The following MARCHF6 variants were observed in gnomAD, a reference collection of about 807,000 sequenced individuals.
MARCHF6 encodes the protein membrane associated ring-CH-type finger 6, also known as E3 ubiquitin-protein ligase MARCHF6.
A neutral mutation model predicts 133.7 loss-of-function variants in MARCHF6; 31 were observed. The ratio of observed to expected loss-of-function variants is 0.23; its 90% CI spans 0.17 to 0.31. The LOEUF is 0.31. MARCHF6 is among the 10% of genes least tolerant of loss of function. The pLI is 1.00. For synonymous variants in MARCHF6, 395 were observed against 402.5 expected (o/e 0.98, Z 0.22); for missense variants, 723 against 1,121.6 (o/e 0.64, Z 5.08).
intron 3 of MARCHF6, among the ~76,000 whole-genome samples, chr5:10,379,846 T>C (rs1380652634): frequency 6.6e-6 from 1 of 152,170 alleles, no homozygotes; most frequent in Non-Finnish European, 1.5e-5. Flanking sequence ...CCTCAAGCAA[T>C]TCTCCTGTCA....
chr5:10,385,820 CTT>C (rs994600760), intron 4 of MARCHF6, among the ~76,000 whole-genome samples: 7 of 152,250 alleles, frequency 4.6e-5, no homozygotes, highest in African/African-American at 1.7e-4. Flanking sequence ...TAACATGCCT[CTT>C]TGAAATCAGT....
At chr5:10,363,081 T>C (rs1203085192) in intron 1 of MARCHF6, among the ~76,000 whole-genome samples, 1 of 152,152 alleles carries the variant, frequency 6.6e-6, no homozygotes, top group Non-Finnish European at 1.5e-5. Flanking sequence ...CCTAAAACTA[T>C]GAAACTTCTA....
chr5:10,418,146 A>G (rs189397274), intron 22 of MARCHF6, among the ~76,000 whole-genome samples: 226 of 152,302 alleles, frequency 1.5e-3, no homozygotes, highest in African/African-American at 5.2e-3. Context: ...TGGGAGGCCA[A>G]GGTGGGTGGA....
At chr5:10,419,393 C>T (rs572640335) in intron 22 of MARCHF6, among the ~76,000 whole-genome samples, 8 of 152,186 alleles carry the variant, frequency 5.3e-5, no homozygotes, top group Non-Finnish European at 8.8e-5. Context: ...GTAAATGTTC[C>T]GAGCGCATTG....
chr5:10,362,724 T>C (rs1334823360), intron 1 of MARCHF6, among the ~76,000 whole-genome samples: 1 of 152,222 alleles, frequency 6.6e-6, no homozygotes, highest in African/African-American at 2.4e-5. Context: ...ATGAATATTT[T>C]CAGATGTTTG....
chr5:10,392,019 C>T (rs866730122), intron 7 of MARCHF6, among the ~76,000 whole-genome samples: 11 of 146,944 alleles, frequency 7.5e-5, no homozygotes, highest in Admixed American at 6.2e-4. Context: ...AGTGCAGTGG[C>T]GCTATCTCGG....
intron 9 of MARCHF6, among the ~76,000 whole-genome samples, chr5:10,395,893 T>G (rs1197385434): frequency 1.3e-5 from 2 of 152,106 alleles, no homozygotes; most frequent in East Asian, 3.9e-4. Flanking sequence ...CACAGTTTAG[T>G]GGGAATGTGA....
intron 1 of MARCHF6, among the ~76,000 whole-genome samples, chr5:10,370,597 G>A (rs919553708): frequency 6.6e-6 from 1 of 151,584 alleles, no homozygotes; most frequent in African/African-American, 2.4e-5. Context: ...TCCTCTTTCG[G>A]TGAGTGTGTT....
chr5:10,427,335 A>T (rs1740139595), intron 24 of MARCHF6, among the ~76,000 whole-genome samples: 1 of 152,242 alleles, frequency 6.6e-6, no homozygotes, highest in South Asian at 2.1e-4. Flanking sequence ...ACCTTTCAAA[A>T]GAATGAATCT....
intron 1 of MARCHF6, among the ~76,000 whole-genome samples, chr5:10,358,600 C>G (rs1735624430): frequency 6.6e-6 from 1 of 151,992 alleles, no homozygotes; most frequent in Non-Finnish European, 1.5e-5. Flanking sequence ...ATTTAAAGTA[C>G]AGTTGACTCT....
chr5:10,405,773 T>TA, intron 16 of MARCHF6, 96 bp downstream of exon 16: 2 of 1,089,538 alleles, frequency 1.8e-6, no homozygotes, highest in Non-Finnish European at 2.6e-6. Context: ...AGCAGGCTGA[T>TA]AGAGTATATT....
intron 1 of MARCHF6, among the ~76,000 whole-genome samples, chr5:10,367,263 TC>T (rs1294253004): frequency 6.6e-6 from 1 of 152,120 alleles, no homozygotes; most frequent in African/African-American, 2.4e-5. Flanking sequence ...ACTAAGGAAA[TC>T]AGAATAAACC....
rs184731014 is a variant in MARCHF6 at position 10,377,669 on chromosome 5, C to T, written c.20-129C>T. On this transcript the variant is annotated intron_variant, in intron 1 of 25. Transcript: ENST00000274140. ...AACTTAATCACAACTTTCAGTTCTC[C>T]GTACTATTAATGTTTTGTCAAGTGA... 300 of 577,642 alleles carry T rather than the reference C, an allele frequency of 5.2e-4. 2 individuals carry two copies. Among genetic ancestry groups the T allele is most frequent in the African/African-American group, 2.8e-3 (153 of 54,242 alleles). 35.8% of individuals were successfully genotyped at this position (577,642 alleles called of 1,614,324 possible).
At chr5:10,427,888 C>T (rs1278462790) in intron 24 of MARCHF6, among the ~76,000 whole-genome samples, 3 of 151,956 alleles carry the variant, frequency 2.0e-5, no homozygotes, top group Non-Finnish European at 2.9e-5. Context: ...AGCAACATGG[C>T]GAGACCCAAC....
At position 10,367,458 on chromosome 5, in the gene MARCHF6, AT is replaced by A. The variant is rs1209228995; in HGVS notation, c.20-10338del. On this transcript the variant is annotated intron_variant, in intron 1 of 25. Transcript: ENST00000274140. Reference sequence around the variant, plus strand: ...TAAAGTCTGTTAGTAATAAAAAATAATTCTTTGTATATTAAATTATCACTGA... The same window carrying A: ...TAAAGTCTGTTAGTAATAAAAAATAATCTTTGTATATTAAATTATCACTGA... Among the ~76,000 whole-genome samples the A allele has an allele frequency of 2.6e-5, 4 of 152,328 alleles. No individual in the cohort carries two copies. In the East Asian group the frequency reaches 7.7e-4, roughly 29 times the overall value.
At chr5:10,399,560 A>G (rs1211408455) in intron 10 of MARCHF6, among the ~76,000 whole-genome samples, 1 of 150,632 alleles carries the variant, frequency 6.6e-6, no homozygotes, top group Non-Finnish European at 1.5e-5. Flanking sequence ...TTGAGGAAAA[A>G]GAAGACTATA....
chr5:10,375,665 A>G (rs957561670), intron 1 of MARCHF6, among the ~76,000 whole-genome samples: 12 of 152,370 alleles, frequency 7.9e-5, no homozygotes, highest in Non-Finnish European at 1.8e-4. Context: ...TAGCTCAGGG[A>G]CTGCAAACAC....
intron 1 of MARCHF6, among the ~76,000 whole-genome samples, chr5:10,356,397 ATTTTATT>A (rs1169896531): frequency 7.2e-6 from 1 of 139,078 alleles, no homozygotes; most frequent in African/African-American, 2.7e-5. Flanking sequence ...ATTTTATTTT[ATTTTATT>A]TTATTTTCCG....
At position 10,439,098 on chromosome 5, in the gene MARCHF6, C is replaced by T. The variant is rs1230560953; in HGVS notation, c.*5414C>T. 2 of 152,208 alleles carry T rather than the reference C, an allele frequency of 1.3e-5. No homozygotes were observed. Among genetic ancestry groups the T allele is most frequent in the East Asian group, 3.8e-4 (2 of 5,196 alleles). The allele number at this position is 152,208 out of a possible 1,614,324, so 9.4% of individuals were successfully genotyped here. A position where few individuals can be genotyped will look rare whatever the true frequency, so the allele number is the denominator to read the frequency against. On this transcript the variant is annotated 3_prime_UTR_variant, in exon 26 of 26. Transcript: ENST00000274140. ...TACCCAGTACTCCTCTTCATTCACTCATATGTTTTTGGGATCAGTCCCTTC... is the reference window on the plus strand; with the variant it reads ...TACCCAGTACTCCTCTTCATTCACTTATATGTTTTTGGGATCAGTCCCTTC...
Sources: gnomAD v4.1 joint callset for allele counts (sites outside exome capture counted in the v4.1 genomes callset) on GRCh38, gnomAD v4.1.1 for gene constraint, MANE v1.5 for transcripts, NCBI Gene and HGNC (gene_info 2026-07-23, HGNC 2026-07-21) for gene names.